The following DCDC1 variants were observed in gnomAD, a reference collection of about 807,000 sequenced individuals.
DCDC1 encodes the protein doublecortin domain containing 1.
Under a neutral mutation model 178.3 loss-of-function variants are expected in DCDC1, and 200 were observed. That is an observed-to-expected ratio of 1.12 (90% CI 1.00 to 1.26). DCDC1 has a LOEUF of 1.26. DCDC1 is among the 50% of genes most tolerant of loss of function. The pLI, the probability that DCDC1 is intolerant of heterozygous loss-of-function variation, is 0.00. For synonymous variants in DCDC1, 690 were observed against 604.8 expected (o/e 1.14, Z -2.07); for missense variants, 1,983 against 1,749.2 (o/e 1.13, Z -2.38).
At chr11:30,906,490 T>A (rs1945073552) in intron 30 of DCDC1, 50 bp downstream of exon 30, 3 of 1,543,300 alleles carry the variant, frequency 1.9e-6, no homozygotes, top group Non-Finnish European at 2.6e-6. Context: ...GCATCAAAGT[T>A]TCCAAATTGT....
chr11:31,179,821 C>CACA (rs369700222), intron 9 of DCDC1, among the ~76,000 whole-genome samples: 17 of 152,076 alleles, frequency 1.1e-4, no homozygotes, highest in East Asian at 1.9e-4. Context: ...CAGACAAAGA[C>CACA]ACAACAACAA....
chr11:31,360,360 G>C (rs1951644644), intron 1 of DCDC1, among the ~76,000 whole-genome samples: 1 of 152,112 alleles, frequency 6.6e-6, no homozygotes, highest in East Asian at 1.9e-4. Flanking sequence ...GTCAAGTACA[G>C]TATTTCTTCC....
At chr11:31,283,962 C>T (rs1335550250) in intron 7 of DCDC1, among the ~76,000 whole-genome samples, 2 of 143,900 alleles carry the variant, frequency 1.4e-5, no homozygotes, top group Non-Finnish European at 3.1e-5. Context: ...CTCTCTCACT[C>T]TTTCCCTCCC....
intron 21 of DCDC1, among the ~76,000 whole-genome samples, chr11:30,940,445 C>A (rs1484239216): frequency 6.6e-6 from 1 of 152,052 alleles, no homozygotes; most frequent in Admixed American, 6.6e-5. Flanking sequence ...CTATATAAAC[C>A]CCTAATTTTA....
intron 6 of DCDC1, among the ~76,000 whole-genome samples, chr11:31,291,792 T>C (rs1404374263): frequency 2.6e-5 from 4 of 152,130 alleles, no homozygotes; most frequent in Admixed American, 2.6e-4. Context: ...AATAGCTGCA[T>C]TTATTGCTAT....
At chr11:31,290,191 T>C (rs1947123123) in intron 7 of DCDC1, among the ~76,000 whole-genome samples, 1 of 151,998 alleles carries the variant, frequency 6.6e-6, no homozygotes, top group Non-Finnish European at 1.5e-5. Flanking sequence ...TATGAATACT[T>C]TGAAACTGCA....
intron 20 of DCDC1, among the ~76,000 whole-genome samples, chr11:31,011,256 C>T (rs1952150300): frequency 6.6e-6 from 1 of 152,024 alleles, no homozygotes. Context: ...AGGCAAACTT[C>T]AAAGTATTTA....
At chr11:30,910,501 A>C (rs1945366466) in intron 28 of DCDC1, among the ~76,000 whole-genome samples, 7 of 152,220 alleles carry the variant, frequency 4.6e-5, no homozygotes, top group Admixed American at 3.9e-4. Flanking sequence ...CAGGGCCTGC[A>C]AAACAAGTTG....
At chr11:31,179,769 C>G (rs1968540145) in intron 9 of DCDC1, among the ~76,000 whole-genome samples, 1 of 152,056 alleles carries the variant, frequency 6.6e-6, no homozygotes, top group Non-Finnish European at 1.5e-5. Context: ...AAAATATTTC[C>G]AAACTCATTT....
At chr11:30,925,223 C>T (rs940087601) in intron 23 of DCDC1, 86 bp downstream of exon 23, 29 of 1,139,640 alleles carry the variant, frequency 2.5e-5, no homozygotes, top group South Asian at 1.8e-4. Flanking sequence ...AAATGGTAAG[C>T]ATTTGAAGAC....
intron 1 of DCDC1, among the ~76,000 whole-genome samples, chr11:31,347,693 A>T (rs1415272288): frequency 6.6e-6 from 1 of 152,070 alleles, no homozygotes; most frequent in Non-Finnish European, 1.5e-5. Flanking sequence ...TCCCCATAAT[A>T]ATGTGTTGTA....
intron 1 of DCDC1, among the ~76,000 whole-genome samples, chr11:31,341,083 T>C (rs1322055685): frequency 6.6e-6 from 1 of 152,116 alleles, no homozygotes; most frequent in Non-Finnish European, 1.5e-5. Context: ...GGACTTTGCC[T>C]TTCCACATCT....
chr11:30,973,714 A>G (rs1351415707), intron 20 of DCDC1, among the ~76,000 whole-genome samples: 1 of 152,208 alleles, frequency 6.6e-6, no homozygotes, highest in Non-Finnish European at 1.5e-5. Context: ...TTCTAAACAT[A>G]TATGCACCCA....
At chr11:30,942,417 T>A (rs1947715576) in intron 21 of DCDC1, among the ~76,000 whole-genome samples, 1 of 152,098 alleles carries the variant, frequency 6.6e-6, no homozygotes, top group Non-Finnish European at 1.5e-5. Context: ...GTGAGAGAGA[T>A]GGTGAGGGAA....
intron 9 of DCDC1, among the ~76,000 whole-genome samples, chr11:31,174,355 C>A (rs1967687584): frequency 6.6e-6 from 1 of 152,214 alleles, no homozygotes; most frequent in African/African-American, 2.4e-5. Context: ...CAGAGCAATG[C>A]TGACATGCCA....
At chr11:30,888,060 A>AAGAAAGAAAGAAAG (rs756638479) in intron 36 of DCDC1, among the ~76,000 whole-genome samples, 1 of 73,456 alleles carries the variant, frequency 1.4e-5, no homozygotes, top group African/African-American at 6.8e-5. Context: ...GAAAGAAAGA[A>AAGAAAGAAAGAAAG]AGAGAGAGAG....
At chr11:31,358,739 C>G (rs1356821200) in intron 1 of DCDC1, among the ~76,000 whole-genome samples, 2 of 151,956 alleles carry the variant, frequency 1.3e-5, no homozygotes, top group African/African-American at 2.4e-5. Flanking sequence ...AACAAATTTA[C>G]AAGAAAAAAA....
intron 3 of DCDC1, among the ~76,000 whole-genome samples, chr11:31,321,517 G>A (rs1269444962): frequency 1.3e-5 from 2 of 152,224 alleles, no homozygotes; most frequent in South Asian, 2.1e-4. Context: ...TTCGGCTCGC[G>A]CACGGTGCAC....
chr11:31,122,080 A>G (rs1170985285), intron 11 of DCDC1, among the ~76,000 whole-genome samples: 1 of 152,126 alleles, frequency 6.6e-6, no homozygotes, highest in African/African-American at 2.4e-5. Flanking sequence ...AAGGTAGGCC[A>G]TTCCATATAC....
Sources: gnomAD v4.1 joint callset for allele counts (sites outside exome capture counted in the v4.1 genomes callset) on GRCh38, gnomAD v4.1.1 for gene constraint, MANE v1.5 for transcripts, NCBI Gene and HGNC (gene_info 2026-07-23, HGNC 2026-07-21) for gene names.